CNTNAP5: variants seen among roughly 807,000 people sequenced by gnomAD.
CNTNAP5 encodes contactin-associated protein-like 5.
A neutral mutation model predicts 150.2 loss-of-function variants in CNTNAP5; 72 were observed. That is an observed-to-expected ratio of 0.48 (90% confidence interval 0.40 to 0.58). The LOEUF (loss-of-function observed/expected upper bound fraction) is 0.58, where lower values mean the gene tolerates loss of function less well. CNTNAP5 is among the 20% of genes least tolerant of loss of function. The probability of loss-of-function intolerance (pLI) is 0.00; values close to 1 mark genes in which losing one functional copy is unlikely to be tolerated. For synonymous variants in CNTNAP5, 672 were observed against 619.8 expected, an observed-to-expected ratio of 1.08 and a Z score of -1.25; for missense variants, 1,636 against 1,626.2, an observed-to-expected ratio of 1.01 and a Z score of -0.10.
At chr2:124,780,522 C>T (rs1395305864) in intron 17 of CNTNAP5, among the ~76,000 whole-genome samples, 3 of 152,152 alleles carry the variant, frequency 2.0e-5, no homozygotes, top group South Asian at 2.1e-4. Flanking sequence ...TTTTCTTGGC[C>T]ATCGACTTTA....
At chr2:124,832,771 C>T (rs1285345406) in intron 19 of CNTNAP5, among the ~76,000 whole-genome samples, 2 of 152,008 alleles carry the variant, frequency 1.3e-5, no homozygotes, top group African/African-American at 4.8e-5. Context: ...AGTTTTATCT[C>T]AACACCAGTA....
chr2:124,096,831 G>C (rs1558754041), intron 1 of CNTNAP5, among the ~76,000 whole-genome samples: 1 of 151,940 alleles, frequency 6.6e-6, no homozygotes, highest in East Asian at 1.9e-4. Context: ...AACCTCCCGA[G>C]TAGCTGGGAC....
chr2:124,730,633 T>C (rs1450193030), intron 13 of CNTNAP5, among the ~76,000 whole-genome samples: 3 of 152,122 alleles, frequency 2.0e-5, no homozygotes, highest in Non-Finnish European at 4.4e-5. Context: ...TTTTTTGTTT[T>C]GATTTTATCT....
rs962617833 is a variant in CNTNAP5 at position 124,514,847 on chromosome 2, T to C, written c.1328-9456T>C. ...GAAGCTTAGCTGCCTGGGGCCCAGATGGCAAAAGATGAAGCAGAGTTTTGG... is the reference window on the plus strand; with the variant it reads ...GAAGCTTAGCTGCCTGGGGCCCAGACGGCAAAAGATGAAGCAGAGTTTTGG... On this transcript the variant is annotated intron_variant, in intron 8 of 23. Coordinates refer to ENST00000682447, the MANE Select transcript of CNTNAP5 (RefSeq NM_001367498.1). Among the ~76,000 whole-genome samples the C allele has an allele frequency of 4.1e-4, 62 of 152,172 alleles. No individual in the cohort carries two copies. The Middle Eastern group carries it at 9.5e-3, about 23-fold the overall frequency.
chr2:124,702,292 C>A (rs1679537915), intron 13 of CNTNAP5, among the ~76,000 whole-genome samples: 1 of 132,856 alleles, frequency 7.5e-6, no homozygotes, highest in Non-Finnish European at 1.5e-5. Flanking sequence ...TACTTCTGTT[C>A]TGCAAATCAT....
chr2:124,149,072 GT>G (rs1202716320), intron 1 of CNTNAP5, among the ~76,000 whole-genome samples: 3 of 152,028 alleles, frequency 2.0e-5, no homozygotes, highest in Admixed American at 1.3e-4. Context: ...TTCTTTTTCA[GT>G]TGTATTCCAG....
chr2:124,491,337 T>C (rs1341635156), intron 7 of CNTNAP5, among the ~76,000 whole-genome samples: 3 of 152,128 alleles, frequency 2.0e-5, no homozygotes. Context: ...CATAATGACC[T>C]CCTGATTTAT....
intron 11 of CNTNAP5, among the ~76,000 whole-genome samples, chr2:124,608,468 A>G (rs1339598777): frequency 6.6e-6 from 1 of 152,158 alleles, no homozygotes; most frequent in Non-Finnish European, 1.5e-5. Flanking sequence ...GTGGCTGCCA[A>G]TCAAGCTGTG....
intron 6 of CNTNAP5, among the ~76,000 whole-genome samples, chr2:124,461,614 A>G (rs1693255970): frequency 6.6e-6 from 1 of 151,894 alleles, no homozygotes; most frequent in Non-Finnish European, 1.5e-5. Flanking sequence ...CCAGCATGGC[A>G]CATGTATACA....
intron 3 of CNTNAP5, among the ~76,000 whole-genome samples, chr2:124,333,919 A>G (rs558795966): frequency 4.6e-5 from 7 of 152,346 alleles, no homozygotes; most frequent in African/African-American, 1.7e-4. Flanking sequence ...GCTGCCAATT[A>G]TCTTTAAAAT....
chr2:124,546,369 T>TGC lies in CNTNAP5; in HGVS notation c.1650-16847_1650-16846insCG, dbSNP rs1396708620. Among the ~76,000 whole-genome samples the TGC allele has an allele frequency of 3.3e-5, 5 of 151,858 alleles. No individual in the cohort carries two copies. The East Asian group carries it at 9.7e-4, about 29-fold the overall frequency. ...CTTTACTGCAGGATTTCTCAATGTGTGTGTGTGTGTGTGTGCAAGTGTGCA... is the reference window on the plus strand; with the variant it reads ...CTTTACTGCAGGATTTCTCAATGTGTGCGTGTGTGTGTGTGTGCAAGTGTGCA... On this transcript the variant is annotated intron_variant, in intron 10 of 23. Transcript: ENST00000682447.
At chr2:124,545,430 A>G (rs1695489483) in intron 10 of CNTNAP5, among the ~76,000 whole-genome samples, 1 of 152,148 alleles carries the variant, frequency 6.6e-6, no homozygotes, top group South Asian at 2.1e-4. Context: ...AGCTTAATTC[A>G]CAGCCCTCAA....
chr2:124,181,514 G>A (rs1685207680), intron 1 of CNTNAP5, among the ~76,000 whole-genome samples: 1 of 151,590 alleles, frequency 6.6e-6, no homozygotes. Context: ...CTATCTCCTG[G>A]TATATTTTTA....
chr2:124,323,732 T>C (rs1049631966), intron 3 of CNTNAP5, among the ~76,000 whole-genome samples: 1 of 152,218 alleles, frequency 6.6e-6, no homozygotes, highest in African/African-American at 2.4e-5. Context: ...CTAGACCATG[T>C]TGGCAGCTAA....
chr2:124,666,225 G>A (rs891182134), intron 13 of CNTNAP5, among the ~76,000 whole-genome samples: 1 of 152,132 alleles, frequency 6.6e-6, no homozygotes, highest in African/African-American at 2.4e-5. Flanking sequence ...GAAAGTTGGG[G>A]CATCTTGAGT....
chr2:124,597,501 C>T (rs894856752), intron 11 of CNTNAP5, among the ~76,000 whole-genome samples: 1 of 150,456 alleles, frequency 6.6e-6, no homozygotes, highest in African/African-American at 2.4e-5. Context: ...AGGGTTTCTG[C>T]CAAGAGATCC....
intron 3 of CNTNAP5, among the ~76,000 whole-genome samples, chr2:124,293,162 T>A (rs1347747970): frequency 6.6e-6 from 1 of 151,734 alleles, no homozygotes; most frequent in African/African-American, 2.4e-5. Context: ...TAAATTTTTT[T>A]ATACTTGAAA....
chr2:124,704,860 A>G (rs1405131790), intron 13 of CNTNAP5, among the ~76,000 whole-genome samples: 1 of 151,828 alleles, frequency 6.6e-6, no homozygotes, highest in Non-Finnish European at 1.5e-5. Flanking sequence ...AGCTGATGCC[A>G]CTGCCTTTCC....
chr2:124,369,590 T>G (rs1300413219), intron 3 of CNTNAP5, among the ~76,000 whole-genome samples: 2 of 152,116 alleles, frequency 1.3e-5, no homozygotes, highest in Non-Finnish European at 2.9e-5. Flanking sequence ...GTAGTTTTAT[T>G]TTAGTGTTAT....
Sources: allele counts gnomAD v4.1 joint callset (sites outside exome capture counted in the v4.1 genomes callset), GRCh38; gene constraint gnomAD v4.1.1; transcripts MANE v1.5; gene names NCBI Gene and HGNC (gene_info 2026-07-23, HGNC 2026-07-21).